The following WDR43 variants were observed in gnomAD, a reference collection of about 807,000 sequenced individuals.
WDR43 encodes WD repeat domain 43, also known as WD repeat-containing protein 43.
A neutral mutation model predicts 91.4 loss-of-function variants in WDR43; 13 were observed. That is an observed-to-expected ratio of 0.14 (90% CI 0.09 to 0.23). The LOEUF (loss-of-function observed/expected upper bound fraction) is 0.23. Ranked by LOEUF, WDR43 falls within the 10% of genes least tolerant of loss-of-function variation. The probability of loss-of-function intolerance (pLI) is 1.00; values close to 1 mark genes in which losing one functional copy is unlikely to be tolerated. For synonymous variants in WDR43, 331 were observed against 287.9 expected, an observed-to-expected ratio of 1.15 and a Z score of -1.51; for missense variants, 780 against 809.4, an observed-to-expected ratio of 0.96 and a Z score of 0.44.
At chr2:28,918,990 A>G (rs1670968084) in intron 6 of WDR43, among the ~76,000 whole-genome samples, 1 of 152,344 alleles carries the variant, frequency 6.6e-6, no homozygotes, top group Middle Eastern at 3.4e-3. Context: ...CATTGGTTTA[A>G]AACAAAAAAA....
rs1023816796 is a variant in WDR43, at chr2:28,947,056, A to G, written c.*277A>G. On this transcript the variant is annotated 3_prime_UTR_variant, in exon 18 of 18. Transcript: ENST00000407426. ...ATATGGTATATTTTTATAATATAAT[A>G]TCCTAGTATGATTGGTTATATCAAG... is the stretch of plus-strand genomic sequence containing the variant. 6.3e-5 allele frequency: 15 copies of G among 236,230 alleles called. No individual in the cohort carries two copies. The Admixed American group carries it at 6.8e-4, about 11-fold the overall frequency. The allele number at this position is 236,230 out of a possible 1,614,324, so 14.6% of individuals were successfully genotyped here.
intron 1 of WDR43, chr2:28,895,498 C>G (rs929273966): frequency 6.6e-6 from 1 of 152,290 alleles, no homozygotes; most frequent in African/African-American, 2.4e-5. Context: ...TCTACATTCT[C>G]AGCTTTTTGA....
chr2:28,927,512 A>C, intron 9 of WDR43, 57 bp from the exon 10 acceptor site: 2 of 1,585,008 alleles, frequency 1.3e-6, no homozygotes, highest in Non-Finnish European at 1.7e-6. Flanking sequence ...CATTGAGGAT[A>C]CTTAAGGACT....
At chr2:28,904,634 T>C (rs1219941547) in intron 2 of WDR43, among the ~76,000 whole-genome samples, 1 of 152,256 alleles carries the variant, frequency 6.6e-6, no homozygotes, top group Non-Finnish European at 1.5e-5. Flanking sequence ...TATTTTGGTA[T>C]ATTTTCTAAC....
chr2:28,923,382 C>T (rs1671073201), intron 7 of WDR43, among the ~76,000 whole-genome samples: 1 of 152,100 alleles, frequency 6.6e-6, no homozygotes, highest in African/African-American at 2.4e-5. Flanking sequence ...CAGTCATAGA[C>T]CAGGAGTCAG....
chr2:28,934,171 C>T (rs964927510), intron 11 of WDR43, among the ~76,000 whole-genome samples: 1 of 152,096 alleles, frequency 6.6e-6, no homozygotes. Context: ...CAAACTAAGG[C>T]TGTGAGAAAG....
intron 13 of WDR43, 116 bp from the exon 14 acceptor site, chr2:28,937,815 C>T (rs2148197982): frequency 1.1e-6 from 1 of 932,232 alleles, no homozygotes; most frequent in Non-Finnish European, 1.7e-6. Flanking sequence ...TTATTACAGT[C>T]ATTTTCACAG....
intron 16 of WDR43, among the ~76,000 whole-genome samples, chr2:28,946,009 AG>A (rs1227378938): frequency 6.6e-6 from 1 of 152,192 alleles, no homozygotes; most frequent in East Asian, 1.9e-4. Context: ...GAGATCTTGA[AG>A]GAATAATATA....
chr2:28,918,911 A>C (rs1670967158), intron 6 of WDR43, among the ~76,000 whole-genome samples: 1 of 152,214 alleles, frequency 6.6e-6, no homozygotes, highest in Non-Finnish European at 1.5e-5. Flanking sequence ...CATATTTTGC[A>C]TTAACCTCTA....
At position 28,902,254 on chromosome 2, in the gene WDR43, C is replaced by T. The variant is rs963220819; in HGVS notation, c.363+130C>T. On this transcript the variant is annotated intron_variant, in intron 2 of 17. Coordinates refer to ENST00000407426, the MANE Select transcript of WDR43 (RefSeq NM_015131.3). ...TAGGGACAGTTTTCAGTCTCATCTA[C>T]GTTTAAATAACTGAATAGTAATATT... The T allele has an allele frequency of 8.1e-5, 72 of 892,438 alleles. No homozygotes were observed. The African/African-American group carries it at 1.1e-3, about 13-fold the overall frequency. 55.3% of individuals were successfully genotyped at this position (892,438 alleles called of 1,614,324 possible). A position where few individuals can be genotyped will look rare whatever the true frequency, so the allele number is the denominator to read the frequency against.
chr2:28,901,946 T>G (rs1480076634), intron 1 of WDR43, 41 bp from the exon 2 acceptor site: 1 of 1,552,966 alleles, frequency 6.4e-7, no homozygotes, highest in Non-Finnish European at 8.7e-7. Flanking sequence ...GTTTTAGTAT[T>G]TGCAATACTA....
chr2:28,913,566 T>TC (rs1670849417), intron 4 of WDR43: 1 of 440,510 alleles, frequency 2.3e-6, no homozygotes, highest in East Asian at 6.0e-5. Flanking sequence ...CTAGCCTACA[T>TC]CCAGCATTTA....
chr2:28,922,935 T>C lies in WDR43; in HGVS notation c.866T>C (p.Val289Ala). ...TTCTTTTAGCCTGTCAAGTTGGCTG[T>C]TGTTTGCAGAGATGGTCAAGTCCAT... ...ENKEEPVKLA[V>A]VCRDGQVHLF... Residue 289 changes from valine (V) to alanine (A), a missense_variant, in exon 7 of 18, where the codon GTT becomes GCT. Physicochemically the swap from Val to Ala is moderately conservative, Grantham distance 64. Coordinates refer to ENST00000407426, the MANE Select transcript of WDR43 (RefSeq NM_015131.3). The C allele has an allele frequency of 1.2e-6, 2 of 1,613,084 alleles. No individual in the cohort carries two copies. Among genetic ancestry groups the C allele is most frequent in the East Asian group, 2.2e-5 (1 of 44,834 alleles).
chr2:28,931,663 T>G (rs1419661505), intron 11 of WDR43, among the ~76,000 whole-genome samples: 3 of 152,054 alleles, frequency 2.0e-5, no homozygotes, highest in Non-Finnish European at 4.4e-5. Flanking sequence ...ATCTTTTTTT[T>G]TTTTGCAAGA....
chr2:28,942,283 C>T (rs1413732382), intron 15 of WDR43, 29 bp from the exon 16 acceptor site: 2 of 1,606,222 alleles, frequency 1.2e-6, no homozygotes, highest in Admixed American at 1.7e-5. Flanking sequence ...TTACACTCTA[C>T]TTCAGAACAG....
At chr2:28,922,545 C>T (rs559005146) in intron 6 of WDR43, among the ~76,000 whole-genome samples, 3 of 152,116 alleles carry the variant, frequency 2.0e-5, no homozygotes, top group African/African-American at 7.2e-5. Flanking sequence ...GGAAGAGAGG[C>T]GATGAGGTCT....
chr2:28,942,221 C>A, intron 15 of WDR43, 91 bp from the exon 16 acceptor site: 3 of 1,258,852 alleles, frequency 2.4e-6, no homozygotes, highest in South Asian at 1.3e-5. Context: ...GAGTTAGCAG[C>A]AAGCAGTGGG....
intron 10 of WDR43, 48 bp from the exon 11 acceptor site, chr2:28,929,531 C>T (rs748359852): frequency 2.0e-6 from 3 of 1,466,940 alleles, no homozygotes; most frequent in Non-Finnish European, 2.7e-6. Context: ...CTCCAAACTA[C>T]TTTAAGTCTT....
chr2:28,930,683 T>C (rs970592823), intron 11 of WDR43, among the ~76,000 whole-genome samples: 2 of 152,234 alleles, frequency 1.3e-5, no homozygotes, highest in African/African-American at 2.4e-5. Context: ...ACTGCCCTCA[T>C]TGCGTTCTAA....
Sources: allele counts gnomAD v4.1 joint callset (sites outside exome capture counted in the v4.1 genomes callset), GRCh38; gene constraint gnomAD v4.1.1; transcripts MANE v1.5; gene names NCBI Gene and HGNC (gene_info 2026-07-23, HGNC 2026-07-21).